The following BPNT1 variants were observed in gnomAD, a reference collection of about 807,000 sequenced individuals.
The protein encoded by BPNT1 is 3'(2'), 5'-bisphosphate nucleotidase 1, also known as 3'(2'),5'-bisphosphate nucleotidase 1.
A neutral mutation model predicts 36.9 loss-of-function variants in BPNT1; 28 were observed. That is an observed-to-expected ratio of 0.76 (90% confidence interval 0.56 to 1.04). BPNT1 has a LOEUF of 1.04. BPNT1 is among the 50% of genes least tolerant of loss of function. BPNT1 has a pLI of 0.00. For missense variants in BPNT1, 313 were observed against 372.9 expected (o/e 0.84, Z 1.32); for synonymous variants, 119 against 130.9 (o/e 0.91, Z 0.62).
chr1:220,089,101 G>GAAAAAAAAAAAAAAAAAAAAAAAA, intron 1 of BPNT1, among the ~76,000 whole-genome samples: 1 of 39,156 alleles, frequency 2.6e-5, no homozygotes, highest in Non-Finnish European at 4.7e-5. Flanking sequence ...ACTCCGTCTC[G>GAAAAAAAAAAAAAAAAAAAAAAAA]AAAAAAAAAA....
At chr1:220,086,419 G>T (rs1655729632) in intron 1 of BPNT1, among the ~76,000 whole-genome samples, 2 of 151,322 alleles carry the variant, frequency 1.3e-5, no homozygotes, top group Non-Finnish European at 2.9e-5. Context: ...CTACAGGCAC[G>T]CATCACCACG....
At chr1:220,077,301 A>G (rs1664638494) in intron 2 of BPNT1, among the ~76,000 whole-genome samples, 1 of 152,216 alleles carries the variant, frequency 6.6e-6, no homozygotes, top group African/African-American at 2.4e-5. Flanking sequence ...GTTTTGCTTA[A>G]ATCAAGATAC....
Position 220,069,448 on chromosome 1 carries a change from G to A in BPNT1, c.334-16C>T, listed in dbSNP as rs757394300. The stretch of plus-strand genomic sequence containing the variant: ...AGACCACGAGCTAAAATTAAAAAGA[G>A]AGAAGGAAAATATCTAAATCAAGCA... On this transcript the variant is annotated splice_polypyrimidine_tract_variant and intron_variant, in intron 4 of 8. Transcript: ENST00000322067. 1.9e-6 allele frequency: 3 copies of A among 1,594,026 alleles called. No homozygotes were observed. Among genetic ancestry groups the A allele is most frequent in the South Asian group, 1.2e-5 (1 of 86,890 alleles).
chr1:220,061,791 A>T (rs143259298), intron 7 of BPNT1, among the ~76,000 whole-genome samples: 1 of 152,224 alleles, frequency 6.6e-6, no homozygotes, highest in African/African-American at 2.4e-5. Context: ...TCTAGGGGAC[A>T]ATCAGATGAG....
chr1:220,088,682 C>T (rs1203317490), intron 1 of BPNT1, among the ~76,000 whole-genome samples: 3 of 150,376 alleles, frequency 2.0e-5, no homozygotes, highest in African/African-American at 4.9e-5. Context: ...CCCAGCTGCT[C>T]GGGAGGCTGA....
chr1:220,070,609 G>A (rs1224549038), intron 4 of BPNT1, among the ~76,000 whole-genome samples: 3 of 151,598 alleles, frequency 2.0e-5, no homozygotes, highest in East Asian at 2.0e-4. Context: ...CTACAGGCGC[G>A]CACCACCATG....
chr1:220,087,797 A>C (rs1316118929), intron 1 of BPNT1, among the ~76,000 whole-genome samples: 1 of 152,166 alleles, frequency 6.6e-6, no homozygotes, highest in East Asian at 1.9e-4. Context: ...TTAAATACAT[A>C]AATACTCAGC....
At chr1:220,073,084 T>C in intron 3 of BPNT1, 127 bp from the exon 4 acceptor site, 1 of 835,560 alleles carries the variant, frequency 1.2e-6, no homozygotes, top group Non-Finnish European at 1.9e-6. Context: ...CATTTATATT[T>C]AGAGCTTTTA....
At chr1:220,086,227 A>G (rs1655705689) in intron 1 of BPNT1, among the ~76,000 whole-genome samples, 1 of 152,198 alleles carries the variant, frequency 6.6e-6, no homozygotes. Context: ...TCATGGGGGA[A>G]ATTCAATTTT....
chr1:220,075,125 C>T (rs1023538062), intron 2 of BPNT1, among the ~76,000 whole-genome samples: 5 of 152,144 alleles, frequency 3.3e-5, no homozygotes, highest in African/African-American at 1.2e-4. Context: ...CTCACTGCAA[C>T]CTTTGCCTCT....
rs1662742578 is a variant in BPNT1, at chr1:220,058,798, G to A, written c.*46C>T. ...CCTGCCTCGGCCTCCCAAAGTGCTG[G>A]GATTACAGGCATGAGCCACCGCGCC... On this transcript the variant is annotated 3_prime_UTR_variant, in exon 9 of 9. Coordinates refer to ENST00000322067, the MANE Select transcript of BPNT1 (RefSeq NM_006085.6). 1 of 1,578,982 alleles carries A rather than the reference G, an allele frequency of 6.3e-7. No individual in the cohort carries two copies. Among genetic ancestry groups the A allele is most frequent in the Admixed American group, 1.7e-5 (1 of 59,718 alleles).
chr1:220,078,077 A>T (rs1664718068), intron 2 of BPNT1, among the ~76,000 whole-genome samples: 1 of 151,696 alleles, frequency 6.6e-6, no homozygotes, highest in Admixed American at 6.6e-5. Context: ...CAGGAGGCTA[A>T]GCCAAGAGGG....
chr1:220,087,551 T>G (rs1340371183), intron 1 of BPNT1, among the ~76,000 whole-genome samples: 1 of 152,132 alleles, frequency 6.6e-6, no homozygotes, highest in Non-Finnish European at 1.5e-5. Flanking sequence ...AGAGCGAGAT[T>G]CCGTCTCAAA....
intron 7 of BPNT1, among the ~76,000 whole-genome samples, chr1:220,062,393 G>A (rs1663126754): frequency 6.6e-6 from 1 of 150,432 alleles, no homozygotes; most frequent in Non-Finnish European, 1.5e-5. Context: ...AACATGCGGT[G>A]TTTGGTTTTT....
chr1:220,064,346 T>C (rs1400548339), intron 6 of BPNT1, among the ~76,000 whole-genome samples: 3 of 152,142 alleles, frequency 2.0e-5, no homozygotes, highest in Non-Finnish European at 2.9e-5. Flanking sequence ...AGGTCGCAGG[T>C]TGGGTTCCCT....
intron 1 of BPNT1, among the ~76,000 whole-genome samples, chr1:220,087,381 C>T (rs1655835253): frequency 6.6e-6 from 1 of 151,956 alleles, no homozygotes; most frequent in African/African-American, 2.4e-5. Context: ...TTGGTGAAAC[C>T]CTGTCTCTAC....
At chr1:220,061,966 T>G (rs1003308726) in intron 7 of BPNT1, among the ~76,000 whole-genome samples, 2 of 151,710 alleles carry the variant, frequency 1.3e-5, no homozygotes, top group Non-Finnish European at 2.9e-5. Flanking sequence ...AGAGGGTCCT[T>G]GGGAAAATAA....
chr1:220,087,291 G>A (rs929299574), intron 1 of BPNT1, among the ~76,000 whole-genome samples: 3 of 151,980 alleles, frequency 2.0e-5, no homozygotes, highest in Non-Finnish European at 2.9e-5. Context: ...TGCTGGGCGC[G>A]GTGGCCTGTA....
chr1:220,068,075 GT>G (rs750781008), intron 5 of BPNT1, among the ~76,000 whole-genome samples: 3 of 152,014 alleles, frequency 2.0e-5, no homozygotes, highest in Admixed American at 6.6e-5. Context: ...CAGTAAAATA[GT>G]TTTTTTCTAG....
Sources: allele counts gnomAD v4.1 joint callset (sites outside exome capture counted in the v4.1 genomes callset), GRCh38; gene constraint gnomAD v4.1.1; transcripts MANE v1.5; gene names NCBI Gene and HGNC (gene_info 2026-07-23, HGNC 2026-07-21).